The following PHACTR1 variants were observed in gnomAD, a reference collection of about 807,000 sequenced individuals.
The protein encoded by PHACTR1 is phosphatase and actin regulator 1.
Under a neutral mutation model 69.2 loss-of-function variants are expected in PHACTR1, and 16 were observed. That is an observed-to-expected ratio of 0.23 (90% CI 0.16 to 0.35). PHACTR1 has a LOEUF of 0.35. Among genes scored for constraint, PHACTR1 ranks in the 10% least tolerant of loss-of-function variants. The pLI, the probability that PHACTR1 is intolerant of heterozygous loss-of-function variation, is 1.00. For synonymous variants in PHACTR1, 312 were observed against 284.5 expected (o/e 1.10, Z -0.97); for missense variants, 510 against 734.7 (o/e 0.69, Z 3.54).
chr6:12,904,209 CT>C, intron 4 of PHACTR1, among the ~76,000 whole-genome samples: 1 of 152,262 alleles, frequency 6.6e-6, no homozygotes, highest in East Asian at 1.9e-4. Context: ...TTAGGGCTTT[CT>C]TTTAGCATTT....
chr6:12,752,128 A>T (rs979431298), intron 4 of PHACTR1, among the ~76,000 whole-genome samples: 1 of 151,884 alleles, frequency 6.6e-6, no homozygotes, highest in African/African-American at 2.4e-5. Context: ...CCAACTGCTC[A>T]CTCCTGGGGC....
rs114205666 is a variant in PHACTR1, at chr6:13,241,177, G to A, written c.1391+10984G>A. On this transcript the variant is annotated intron_variant, in intron 10 of 14. Transcript: ENST00000332995. ...GCTATGTGCAAATGTACTCAAGGGA[G>A]AGATAAGGCATGGAATGAAGAAGAG... 2.9e-3 allele frequency among the ~76,000 whole-genome samples: 449 copies of A among 152,306 alleles called. 2 individuals are homozygous for A. Among genetic ancestry groups the A allele is most frequent in the Non-Finnish European group, 5.3e-3 (359 of 68,022 alleles).
chr6:13,172,471 C>G (rs768411644), intron 6 of PHACTR1, among the ~76,000 whole-genome samples: 5 of 152,136 alleles, frequency 3.3e-5, no homozygotes, highest in Non-Finnish European at 7.3e-5. Context: ...TACCAGGAGG[C>G]TGAAGGCAGG....
chr6:12,758,498 T>G (rs868523089), intron 4 of PHACTR1, among the ~76,000 whole-genome samples: 4 of 142,410 alleles, frequency 2.8e-5, no homozygotes, highest in Non-Finnish European at 3.0e-5. Context: ...GGCCCAGAGA[T>G]AAATATTTGA....
chr6:12,927,613 T>C (rs4714990), intron 4 of PHACTR1, among the ~76,000 whole-genome samples: 75,648 of 152,102 alleles, frequency 0.5, 21,493 homozygotes, highest in African/African-American at 0.8. Flanking sequence ...TGAATCCAAG[T>C]CTGTTTAATT....
chr6:12,954,133 C>T (rs971727068), intron 4 of PHACTR1, among the ~76,000 whole-genome samples: 16 of 151,808 alleles, frequency 1.1e-4, no homozygotes, highest in Middle Eastern at 3.2e-3. Context: ...TCCAGGCAGA[C>T]GAAACAGACT....
chr6:13,286,779 T>C (rs907533354), intron 14 of PHACTR1, among the ~76,000 whole-genome samples: 18 of 152,202 alleles, frequency 1.2e-4, no homozygotes, highest in Non-Finnish European at 1.8e-4. Flanking sequence ...TTTAGAGAAA[T>C]AGGATATAGC....
intron 10 of PHACTR1, among the ~76,000 whole-genome samples, chr6:13,261,502 T>C (rs1347424453): frequency 6.6e-6 from 1 of 152,156 alleles, no homozygotes; most frequent in Non-Finnish European, 1.5e-5. Context: ...TTGAAAAGTT[T>C]GAAATGGCAA....
chr6:13,021,965 G>C (rs1291562777), intron 4 of PHACTR1, among the ~76,000 whole-genome samples: 2 of 152,192 alleles, frequency 1.3e-5, no homozygotes, highest in Non-Finnish European at 2.9e-5. Context: ...GTAGCTCATG[G>C]CTTCCTAAAT....
At chr6:13,173,601 G>A (rs1223552) in intron 6 of PHACTR1, among the ~76,000 whole-genome samples, 76,590 of 152,058 alleles carry the variant, frequency 0.5, 19,499 homozygotes, top group East Asian at 0.67. Flanking sequence ...ATCATTTTAC[G>A]TCATTTTACT....
At chr6:13,153,377 C>G (rs1351144682) in intron 5 of PHACTR1, among the ~76,000 whole-genome samples, 1 of 152,170 alleles carries the variant, frequency 6.6e-6, no homozygotes, top group Non-Finnish European at 1.5e-5. Context: ...GTTTGGCACT[C>G]TAATTGAGAA....
chr6:13,115,417 T>C (rs1040629443), intron 5 of PHACTR1, among the ~76,000 whole-genome samples: 5 of 152,156 alleles, frequency 3.3e-5, no homozygotes, highest in African/African-American at 1.2e-4. Flanking sequence ...TCACCACTTA[T>C]CAGTCTTCAT....
At chr6:12,765,139 A>T (rs1027694325) in intron 4 of PHACTR1, among the ~76,000 whole-genome samples, 1 of 152,182 alleles carries the variant, frequency 6.6e-6, no homozygotes, top group African/African-American at 2.4e-5. Flanking sequence ...AGGCAAGAAG[A>T]AGGCTCAGTT....
At chr6:13,196,420 C>CTTTTTTTTTGTTT (rs1554153705) in intron 7 of PHACTR1, 9 of 136,532 alleles carry the variant, frequency 6.6e-5, no homozygotes, top group Middle Eastern at 3.0e-3. Context: ...GGTTTTCTTT[C>CTTTTTTTTTGTTT]TTTTTTTTTT....
At position 13,283,634 on chromosome 6, in the gene PHACTR1, G is replaced by A. The variant is rs1278699822; in HGVS notation, c.1650+72G>A. 2 of 1,609,618 alleles carry A rather than the reference G, an allele frequency of 1.2e-6. No individual in the cohort carries two copies. Among genetic ancestry groups the A allele is most frequent in the South Asian group, 2.2e-5 (2 of 90,748 alleles). On this transcript the variant is annotated intron_variant, in intron 13 of 14. Coordinates refer to ENST00000332995, the MANE Select transcript of PHACTR1 (RefSeq NM_030948.6). This position sits in a 1 kb window ranked among gnomAD's most constrained non-coding sequence, Gnocchi z 4.7. ...GGGTCTCGCTGGGCTCACCGCTGGG[G>A]AGCGTGTAGGGAGACCTGCAGCCAG...
At chr6:12,855,460 A>G (rs935316571) in intron 4 of PHACTR1, among the ~76,000 whole-genome samples, 2 of 152,264 alleles carry the variant, frequency 1.3e-5, no homozygotes, top group African/African-American at 2.4e-5. Flanking sequence ...TCTATGAGAC[A>G]AAAAACAAAC....
intron 4 of PHACTR1, among the ~76,000 whole-genome samples, chr6:12,797,058 G>GAGAGA (rs1773110225): frequency 8.4e-6 from 1 of 119,432 alleles, no homozygotes. Flanking sequence ...AGAGAGAGAG[G>GAGAGA]GATATGAATA....
chr6:13,083,032 T>TTC (rs1811662977), intron 5 of PHACTR1, among the ~76,000 whole-genome samples: 2 of 152,356 alleles, frequency 1.3e-5, no homozygotes, highest in Non-Finnish European at 2.9e-5. Flanking sequence ...GTCTATGTCC[T>TTC]GAATGGTATT....
At chr6:12,842,613 C>T (rs1252799674) in intron 4 of PHACTR1, among the ~76,000 whole-genome samples, 1 of 152,156 alleles carries the variant, frequency 6.6e-6, no homozygotes, top group African/African-American at 2.4e-5. Context: ...GTGATCAAGG[C>T]TCACTGCAGC....
Sources: gnomAD v4.1 joint callset for allele counts (sites outside exome capture counted in the v4.1 genomes callset) on GRCh38, gnomAD v4.1.1 for gene constraint, Gnocchi (gnomAD v3.1) non-coding constraint, MANE v1.5 for transcripts, NCBI Gene and HGNC (gene_info 2026-07-23, HGNC 2026-07-21) for gene names.